The following ACAA2 variants were observed in gnomAD, a reference collection of about 807,000 sequenced individuals.
ACAA2 encodes 3-ketoacyl-CoA thiolase, mitochondrial.
Under a neutral mutation model 44.8 loss-of-function variants are expected in ACAA2, and 35 were observed. The observed-to-expected ratio is 0.78, with a 90% CI of 0.60 to 1.04. The LOEUF (loss-of-function observed/expected upper bound fraction) is 1.04, where lower values mean the gene tolerates loss of function less well. ACAA2 is among the 50% of genes least tolerant of loss of function. ACAA2 has a pLI of 0.00. For synonymous variants in ACAA2, 142 were observed against 166.5 expected, an observed-to-expected ratio of 0.85 and a Z score of 1.13; for missense variants, 468 against 482.6, an observed-to-expected ratio of 0.97 and a Z score of 0.28.
chr18:49,810,848 G>A (rs1166169970), intron 1 of ACAA2, among the ~76,000 whole-genome samples: 1 of 150,490 alleles, frequency 6.6e-6, no homozygotes, highest in African/African-American at 2.5e-5. Flanking sequence ...CACCATGCTT[G>A]GCTAATTTTT....
At chr18:49,793,590 T>C (rs182496588) in intron 5 of ACAA2, among the ~76,000 whole-genome samples, 3 of 152,368 alleles carry the variant, frequency 2.0e-5, no homozygotes, top group Admixed American at 2.0e-4. Flanking sequence ...AATGCTAAGA[T>C]GGACTTTATC....
rs1367758658 is a variant in ACAA2 at position 49,794,299 on chromosome 18, T to G, written c.558A>C (p.Ser186=). The stretch of plus-strand genomic sequence containing the variant: ...ACTCACCAGCTTTCCATCTCTGCTG[T>G]GACTGCAGGGCATATTTGTCACATT... The part of the protein sequence containing the change: ...REECDKYALQ[S]QQRWKAANDA... The change falls in exon 5 of 10, where the codon TCA becomes TCC. Residue 186 remains serine, a synonymous_variant. Transcript: ENST00000285093. 1 of 1,606,348 alleles carries G rather than the reference T, an allele frequency of 6.2e-7. No individual in the cohort carries two copies. Among genetic ancestry groups the G allele is most frequent in the African/African-American group, 1.3e-5 (1 of 74,676 alleles).
rs1439127301 is a variant in ACAA2, at chr18:49,783,090, ACAG to A, written c.*754_*756del. The A allele has an allele frequency of 1.3e-5, 2 of 152,248 alleles. No individual in the cohort carries two copies. Among genetic ancestry groups the A allele is most frequent in the African/African-American group, 2.4e-5 (1 of 41,456 alleles). The allele number at this position is 152,248 out of a possible 1,614,324, so 9.4% of individuals were successfully genotyped here. ...GAAGAAGGAAGTAAGGTTTATACACACAGCAGAATATTATTCAGCCTTTAAAAA... is the reference window on the plus strand; with the variant it reads ...GAAGAAGGAAGTAAGGTTTATACACACAGAATATTATTCAGCCTTTAAAAA... On this transcript the variant is annotated 3_prime_UTR_variant, in exon 10 of 10. Transcript: ENST00000285093.
intron 9 of ACAA2, 31 bp downstream of exon 9, chr18:49,785,166 A>T (rs2023313591): frequency 1.9e-6 from 3 of 1,599,588 alleles, no homozygotes; most frequent in Non-Finnish European, 2.6e-6. Flanking sequence ...AAAAACAGCA[A>T]ATCTGAAATG....
chr18:49,812,918 C>T (rs1408709503), intron 1 of ACAA2: 1 of 152,456 alleles, frequency 6.6e-6, no homozygotes, highest in African/African-American at 2.4e-5. Context: ...TTGTTTTAAA[C>T]AAGTTCATAA....
At chr18:49,804,916 T>C (rs1236538516) in intron 1 of ACAA2, among the ~76,000 whole-genome samples, 1 of 152,162 alleles carries the variant, frequency 6.6e-6, no homozygotes, top group Non-Finnish European at 1.5e-5. Flanking sequence ...GCAGCATCAG[T>C]TATAGCCATT....
In ACAA2 at chr18:49,785,302, T is replaced by C. The variant is rs766182618; in HGVS notation, c.1004A>G (p.Asp335Gly). The C allele has an allele frequency of 3.7e-6, 6 of 1,614,068 alleles. No homozygotes were observed. In the African/African-American group the frequency reaches 8.0e-5, roughly 22 times the overall value. The change falls in exon 9 of 10, where the codon GAT becomes GGT. Residue 335 changes from aspartate to glycine, a missense_variant. Transcript: ENST00000285093. ...PQYLAVERSLDLDISKTNVNG... is the reference protein window; with the variant it reads ...PQYLAVERSLGLDISKTNVNG... Reference sequence around the variant, plus strand: ...CACATTGGTTTTACTTATGTCAAGATCCAAACTCCTCTCAACAGCCAAGTA... The same window carrying C: ...CACATTGGTTTTACTTATGTCAAGACCCAAACTCCTCTCAACAGCCAAGTA...
In ACAA2 at chr18:49,792,327, G is replaced by C; in HGVS notation, c.578C>G (p.Ala193Gly). The change falls in exon 6 of 10, where the codon GCT becomes GGT. Residue 193 changes from alanine to glycine, a missense_variant and splice_region_variant. By Grantham distance (60) the Ala-to-Gly change is moderately conservative (BLOSUM62 0). Coordinates refer to ENST00000285093, the MANE Select transcript of ACAA2 (RefSeq NM_006111.3). ...ATCATTAAAGTAGCCAGCATCATTAGCTGAAAAATAGTAGAGAGACTATCA... is the reference window on the plus strand; with the variant it reads ...ATCATTAAAGTAGCCAGCATCATTACCTGAAAAATAGTAGAGAGACTATCA... Reference protein sequence around the residue: ...ALQSQQRWKAANDAGYFNDEM... With the variant: ...ALQSQQRWKAGNDAGYFNDEM... 6.2e-7 allele frequency: 1 copy of C among 1,610,942 alleles called. No individual in the cohort carries two copies. The highest frequency in any genetic ancestry group is 8.5e-7 in the Non-Finnish European group (1 of 1,177,930).
At chr18:49,812,492 C>T (rs951867471) in intron 1 of ACAA2, among the ~76,000 whole-genome samples, 2 of 152,154 alleles carry the variant, frequency 1.3e-5, no homozygotes, top group African/African-American at 4.8e-5. Context: ...TCTATCAAAT[C>T]CACCTCCAAA....
At chr18:49,785,438 A>G in intron 8 of ACAA2, 87 bp from the exon 9 acceptor site, 1 of 1,317,254 alleles carries the variant, frequency 7.6e-7, no homozygotes, top group Admixed American at 2.4e-5. Context: ...TCAACAGCTA[A>G]GTCTGCTGTT....
intron 9 of ACAA2, 97 bp from the exon 10 acceptor site, chr18:49,784,028 C>T: frequency 1.0e-6 from 1 of 965,104 alleles, no homozygotes. Flanking sequence ...CATCCTTATT[C>T]AGCTCATCTG....
At chr18:49,795,963 A>C in intron 3 of ACAA2, 82 bp from the exon 4 acceptor site, 1 of 867,636 alleles carries the variant, frequency 1.2e-6, no homozygotes, top group South Asian at 1.6e-5. Context: ...TTTACAAATT[A>C]ATGGTAAATC....
intron 2 of ACAA2, among the ~76,000 whole-genome samples, chr18:49,798,611 T>C (rs941465542): frequency 6.6e-6 from 1 of 152,208 alleles, no homozygotes; most frequent in Non-Finnish European, 1.5e-5. Context: ...TTCATTGTAC[T>C]ATTCTTTTAA....
At chr18:49,803,980 G>A (rs557444834) in intron 1 of ACAA2, among the ~76,000 whole-genome samples, 6 of 150,290 alleles carry the variant, frequency 4.0e-5, no homozygotes, top group South Asian at 2.1e-4. Flanking sequence ...GCGCGATTTC[G>A]GCTCACTGCA....
Position 49,795,933 on chromosome 18 carries a change from G to A in ACAA2, c.313-52C>T, listed in dbSNP as rs149837364. 4.4e-3 allele frequency: 4,940 copies of A among 1,125,686 alleles called. 16 individuals are homozygous for A. Among genetic ancestry groups the A allele is most frequent in the Non-Finnish European group, 5.8e-3 (4,376 of 748,150 alleles). The allele number at this position is 1,125,686 out of a possible 1,614,324, so 69.7% of individuals were successfully genotyped here. A position where few individuals can be genotyped will look rare whatever the true frequency, so the allele number is the denominator to read the frequency against. ...ACTCCTTTTACCGTACCCAAACAATGTATTAAGAAACACACTGATTTTACA... is the reference window on the plus strand; with the variant it reads ...ACTCCTTTTACCGTACCCAAACAATATATTAAGAAACACACTGATTTTACA... On this transcript the variant is annotated intron_variant, in intron 3 of 9. Transcript: ENST00000285093.
intron 7 of ACAA2, 30 bp from the exon 8 acceptor site, chr18:49,787,391 A>ATTTT: frequency 2.3e-6 from 3 of 1,310,682 alleles, no homozygotes; most frequent in Non-Finnish European, 3.0e-6. Context: ...TTCTATAAAA[A>ATTTT]TATAGAAATA....
chr18:49,800,596 C>A (rs890621844), intron 2 of ACAA2, among the ~76,000 whole-genome samples: 1 of 152,158 alleles, frequency 6.6e-6, no homozygotes, highest in Admixed American at 6.5e-5. Flanking sequence ...TGTGACCTTA[C>A]CCCCAACCCC....
chr18:49,790,854 G>C (rs889298646), intron 7 of ACAA2, among the ~76,000 whole-genome samples: 9 of 152,172 alleles, frequency 5.9e-5, no homozygotes, highest in Non-Finnish European at 1.2e-4. Context: ...TGAGCAAGAG[G>C]AATATTAATT....
chr18:49,784,008 C>G, intron 9 of ACAA2, 77 bp from the exon 10 acceptor site: 1 of 1,152,148 alleles, frequency 8.7e-7, no homozygotes, highest in Non-Finnish European at 1.3e-6. Context: ...AACATCACAT[C>G]TGCATTACTC....
Sources: allele counts gnomAD v4.1 joint callset (sites outside exome capture counted in the v4.1 genomes callset), GRCh38; gene constraint gnomAD v4.1.1; transcripts MANE v1.5; gene names NCBI Gene and HGNC (gene_info 2026-07-23, HGNC 2026-07-21).